The following FCN2 variants were observed in gnomAD, a reference collection of about 807,000 sequenced individuals.
The protein encoded by FCN2 is ficolin-2.
In FCN2, 31 loss-of-function variants were observed where a neutral mutation model predicts 32.5. That is an observed-to-expected ratio of 0.96 (90% CI 0.72 to 1.29). The LOEUF (loss-of-function observed/expected upper bound fraction) is 1.29. Among genes scored for constraint, FCN2 ranks in the 50% most tolerant of loss-of-function variants. The pLI is 0.00. For missense variants in FCN2, 412 were observed against 406.5 expected, an observed-to-expected ratio of 1.01 and a Z score of -0.12; for synonymous variants, 181 against 164.5, an observed-to-expected ratio of 1.10 and a Z score of -0.77.
chr9:134,877,381 C>T (rs1302410854), upstream of FCN2, among the ~76,000 whole-genome samples: 1 of 152,136 alleles, frequency 6.6e-6, no homozygotes, highest in Non-Finnish European at 1.5e-5. Context: ...CTCCTTTGGC[C>T]TCTTCTATTT....
chr9:134,872,861 G>A, the FCN2 span, among the ~76,000 whole-genome samples: 1 of 152,162 alleles, frequency 6.6e-6, no homozygotes, highest in Non-Finnish European at 1.5e-5. Context: ...AAATTGCAAA[G>A]CAGTTTTCCA....
the FCN2 span, among the ~76,000 whole-genome samples, chr9:134,871,973 C>T: frequency 4.9e-5 from 7 of 141,710 alleles, no homozygotes; most frequent in Non-Finnish European, 9.0e-5. Flanking sequence ...CCCCAGGCAA[C>T]ATCTGTGCTT....
intron 3 of FCN2, 112 bp downstream of exon 3, chr9:134,883,467 G>A (rs1017077986): frequency 1.1e-4 from 103 of 956,304 alleles, no homozygotes; most frequent in African/African-American, 6.8e-4. Context: ...CAGAGCCAAC[G>A]CCTGCCCAGG....
At chr9:134,880,669 C>A, upstream of FCN2, 1 of 696,108 alleles carries the variant, frequency 1.4e-6, no homozygotes, top group Non-Finnish European at 2.6e-6. Context: ...AGGGAGCAGC[C>A]CTGGAGATGA....
At chr9:134,886,171 A>G (rs1039144246) in intron 6 of FCN2, among the ~76,000 whole-genome samples, 4 of 152,182 alleles carry the variant, frequency 2.6e-5, no homozygotes, top group East Asian at 1.9e-4. Flanking sequence ...GGAGGGACAC[A>G]GTGGCCCCAT....
Position 134,880,867 on chromosome 9 carries a change from C to T in FCN2, c.46C>T (p.Leu16=). Residue 16 remains leucine (L), a synonymous_variant, in exon 1 of 8, where the codon CTG becomes TTG. Coordinates refer to ENST00000291744, the MANE Select transcript of FCN2 (RefSeq NM_004108.3). ...AVGVLGAATL[L]LSFLGMAWAL... ...GGGGGTCCTGGGCGCTGCCACCCTG[C>T]TGCTCTCTTTCCTGGGCATGGCCTG... is the stretch of plus-strand genomic sequence containing the variant. The T allele has an allele frequency of 1.2e-6, 2 of 1,613,728 alleles. No individual in the cohort carries two copies. Among genetic ancestry groups the T allele is most frequent in the South Asian group, 1.1e-5 (1 of 91,020 alleles).
Position 134,883,365 on chromosome 9 carries a change from G to A in FCN2, c.268+10G>A. 6.2e-7 allele frequency: 1 copy of A among 1,612,790 alleles called. No individual in the cohort carries two copies. The highest frequency in any genetic ancestry group is 8.5e-7 in the Non-Finnish European group (1 of 1,178,918). ...CCACCTGGGCCCAACGGTAAGGAGG[G>A]GACAAGAGTGAGAAGCGGCTTCAAG... On this transcript the variant is annotated intron_variant, in intron 3 of 7. Coordinates refer to ENST00000291744, the MANE Select transcript of FCN2 (RefSeq NM_004108.3).
In FCN2 at chr9:134,880,862, C is replaced by T. The variant is rs1588641860; in HGVS notation, c.41C>T (p.Thr14Ile). 1 of 1,613,718 alleles carries T rather than the reference C, an allele frequency of 6.2e-7. No individual in the cohort carries two copies. Among genetic ancestry groups the T allele is most frequent in the Non-Finnish European group, 8.5e-7 (1 of 1,179,972 alleles). Reference sequence around the variant, plus strand: ...GCTGTGGGGGTCCTGGGCGCTGCCACCCTGCTGCTCTCTTTCCTGGGCATG... The same window carrying T: ...GCTGTGGGGGTCCTGGGCGCTGCCATCCTGCTGCTCTCTTTCCTGGGCATG... ...DRAVGVLGAA[T>I]LLLSFLGMAW... Residue 14 changes from threonine to isoleucine, a missense_variant, in exon 1 of 8, where the codon ACC (threonine) becomes ATC (isoleucine). Thr to Ile is a moderately conservative substitution (Grantham distance 89). Transcript: ENST00000291744.
intron 2 of FCN2, 125 bp downstream of exon 2, chr9:134,882,764 A>G (rs1308451382): frequency 7.5e-6 from 5 of 666,430 alleles, no homozygotes; most frequent in Non-Finnish European, 1.3e-5. Flanking sequence ...AGAGCCAGGA[A>G]AAGAACTGAC....
At chr9:134,881,059 G>T in intron 1 of FCN2, 138 bp downstream of exon 1, 1 of 710,136 alleles carries the variant, frequency 1.4e-6, no homozygotes, top group Admixed American at 2.1e-5. Flanking sequence ...AGCTCTGCAT[G>T]CCTCATCTTA....
chr9:134,885,326 C>T lies in FCN2; in HGVS notation c.389C>T (p.Thr130Ile). The T allele has an allele frequency of 1.2e-6, 2 of 1,614,116 alleles. No homozygotes were observed. Among genetic ancestry groups the T allele is most frequent in the Non-Finnish European group, 8.5e-7 (1 of 1,180,030 alleles). The part of the protein sequence containing the change: ...TIYLPDCRPL[T>I]VLCDMDTDGG... ...TACCTGCCCGACTGCCGGCCCCTGA[C>T]TGTGCTCTGTGACATGGACACGGAC... The change falls in exon 5 of 8, where the codon ACT becomes ATT. Residue 130 changes from threonine to isoleucine, a missense_variant. Coordinates refer to ENST00000291744, the MANE Select transcript of FCN2 (RefSeq NM_004108.3).
At chr9:134,880,309 C>T (rs1032089493), upstream of FCN2, among the ~76,000 whole-genome samples, 2 of 152,156 alleles carry the variant, frequency 1.3e-5, no homozygotes, top group African/African-American at 4.8e-5. Flanking sequence ...CTGCCTGGAC[C>T]TCATAGTGGC....
chr9:134,874,356 C>G, the FCN2 span, among the ~76,000 whole-genome samples: 1 of 152,024 alleles, frequency 6.6e-6, no homozygotes, highest in Non-Finnish European at 1.5e-5. Context: ...TTTCTATTTC[C>G]CACTGAGAGC....
At chr9:134,873,397 C>T in the FCN2 span, among the ~76,000 whole-genome samples, 1 of 152,294 alleles carries the variant, frequency 6.6e-6, no homozygotes, top group South Asian at 2.1e-4. Context: ...TGCTGCGTAA[C>T]AACTCATGGC....
At chr9:134,873,137 T>C in the FCN2 span, among the ~76,000 whole-genome samples, 5 of 151,752 alleles carry the variant, frequency 3.3e-5, no homozygotes, top group South Asian at 2.1e-4. Flanking sequence ...GTTAGTTTTT[T>C]TTTTTACTGA....
At chr9:134,885,401 G>A (rs1411104704) in intron 5 of FCN2, 35 bp downstream of exon 5, 1 of 1,606,188 alleles carries the variant, frequency 6.2e-7, no homozygotes. Flanking sequence ...GGTCAGCCTG[G>A]GAGTCCCGGA....
intron 5 of FCN2, 126 bp downstream of exon 5, chr9:134,885,492 G>A (rs1830736452): frequency 1.4e-6 from 2 of 1,463,042 alleles, no homozygotes; most frequent in East Asian, 2.5e-5. Context: ...GATGATGGGG[G>A]AGATGACCGG....
intron 7 of FCN2, 148 bp downstream of exon 7, chr9:134,886,712 C>G (rs2133009933): frequency 1.1e-6 from 1 of 886,478 alleles, no homozygotes; most frequent in Non-Finnish European, 1.8e-6. Context: ...ACACTAACAT[C>G]TGTGCTCTGT....
Position 134,880,843 on chromosome 9 carries a change from G to C in FCN2, c.22G>C (p.Gly8Arg), listed in dbSNP as rs1441330117. ...AGAGATGGAGCTGGACAGAGCTGTG[G>C]GGGTCCTGGGCGCTGCCACCCTGCT... MELDRAV[G>R]VLGAATLLLS... Residue 8 changes from glycine to arginine, a missense_variant, in exon 1 of 8, where the codon GGG (glycine) becomes CGG (arginine). Transcript: ENST00000291744. The C allele has an allele frequency of 2.5e-6, 4 of 1,613,716 alleles. No homozygotes were observed. Among genetic ancestry groups the C allele is most frequent in the Non-Finnish European group, 3.4e-6 (4 of 1,179,930 alleles).
Sources: gnomAD v4.1 joint callset for allele counts (sites outside exome capture counted in the v4.1 genomes callset) on GRCh38, gnomAD v4.1.1 for gene constraint, MANE v1.5 for transcripts, NCBI Gene and HGNC (gene_info 2026-07-23, HGNC 2026-07-21) for gene names.